The following DOCK8 variants were observed in gnomAD, a reference collection of about 807,000 sequenced individuals.
DOCK8 encodes dedicator of cytokinesis 8, also known as dedicator of cytokinesis protein 8.
Under a neutral mutation model 245.6 loss-of-function variants are expected in DOCK8, and 141 were observed. That is an observed-to-expected ratio of 0.57 (90% CI 0.50 to 0.66). The LOEUF (loss-of-function observed/expected upper bound fraction) is 0.66. DOCK8 is among the 30% of genes least tolerant of loss of function. DOCK8 has a pLI of 0.00. For missense variants in DOCK8, 2,965 were observed against 2,603.4 expected, an observed-to-expected ratio of 1.14 and a Z score of -3.02; for synonymous variants, 1,168 against 970.2, an observed-to-expected ratio of 1.20 and a Z score of -3.79.
intron 6 of DOCK8, 139 bp from the exon 7 acceptor site, chr9:316,903 TA>T: frequency 1.4e-6 from 1 of 707,540 alleles, no homozygotes; most frequent in Non-Finnish European, 2.6e-6. Flanking sequence ...AACTTTCTTA[TA>T]AAAGGCAGAG....
At position 372,191 on chromosome 9, in the gene DOCK8, C is replaced by A; in HGVS notation, c.2014C>A (p.Pro672Thr). Residue 672 changes from proline to threonine, a missense_variant, in exon 18 of 48, where the codon CCA becomes ACA. This residue lies in a region of DOCK8 where 2,825 missense variants were observed against 2,453.5 expected (regional missense o/e 1.15). Coordinates refer to ENST00000432829, the MANE Select transcript of DOCK8 (RefSeq NM_203447.4). ...VETLLGYSWL[P>T]ILLNERLQTG... ...TTTACATCATCTGTTTCAGTGGCTG[C>A]CAATTCTCTTAAATGAACGTCTTCA... is the stretch of plus-strand genomic sequence containing the variant. The A allele has an allele frequency of 6.2e-7, 1 of 1,613,780 alleles. No individual in the cohort carries two copies. The highest frequency in any genetic ancestry group is 8.5e-7 in the Non-Finnish European group (1 of 1,179,902).
chr9:411,566 A>C (rs973970143), intron 28 of DOCK8, among the ~76,000 whole-genome samples: 1 of 152,126 alleles, frequency 6.6e-6, no homozygotes, highest in Non-Finnish European at 1.5e-5. Context: ...CTTCCAACGA[A>C]TGGAAGAGGT....
intron 4 of DOCK8, among the ~76,000 whole-genome samples, chr9:301,231 A>C (rs1366388259): frequency 6.6e-6 from 1 of 152,232 alleles, no homozygotes; most frequent in Non-Finnish European, 1.5e-5. Flanking sequence ...ACAGAATTAA[A>C]AACAAAAACC....
intron 28 of DOCK8, among the ~76,000 whole-genome samples, chr9:412,043 AC>A (rs2055754700): frequency 6.6e-6 from 1 of 152,172 alleles, no homozygotes; most frequent in Non-Finnish European, 1.5e-5. Flanking sequence ...AAAAATGTCT[AC>A]CCTTGCCACT....
intron 4 of DOCK8, among the ~76,000 whole-genome samples, chr9:293,146 A>T (rs1467429125): frequency 6.6e-6 from 1 of 152,182 alleles, no homozygotes; most frequent in African/African-American, 2.4e-5. Flanking sequence ...GAAGTGTACA[A>T]CTTCAGAACT....
intron 24 of DOCK8, among the ~76,000 whole-genome samples, chr9:396,149 C>A (rs767680118): frequency 3.3e-5 from 5 of 151,982 alleles, no homozygotes; most frequent in Admixed American, 6.6e-5. Context: ...GTAATGTTTT[C>A]CCTGGAGGCA....
At chr9:263,289 G>A (rs1229833461) in intron 1 of DOCK8, among the ~76,000 whole-genome samples, 1 of 149,704 alleles carries the variant, frequency 6.7e-6, no homozygotes, top group African/African-American at 2.5e-5. Context: ...TTGCCCACTT[G>A]TTTCTTGTTG....
chr9:411,529 T>A (rs1276523347), intron 28 of DOCK8, among the ~76,000 whole-genome samples: 2 of 152,180 alleles, frequency 1.3e-5, no homozygotes, highest in African/African-American at 4.8e-5. Flanking sequence ...GAATTAATTC[T>A]AATTTTTTAC....
At chr9:299,516 G>A (rs1262960949) in intron 4 of DOCK8, among the ~76,000 whole-genome samples, 1 of 152,048 alleles carries the variant, frequency 6.6e-6, no homozygotes, top group African/African-American at 2.4e-5. Context: ...TCCCGCCTTG[G>A]CCTCCCAGAG....
chr9:334,527 A>C, intron 11 of DOCK8, 143 bp downstream of exon 11: 1 of 859,520 alleles, frequency 1.2e-6, no homozygotes, highest in Non-Finnish European at 1.8e-6. Context: ...AAACACTGTT[A>C]TGACTGGATT....
At chr9:361,943 C>G (rs1210873203) in intron 14 of DOCK8, among the ~76,000 whole-genome samples, 2 of 152,172 alleles carry the variant, frequency 1.3e-5, no homozygotes, top group Non-Finnish European at 2.9e-5. Context: ...ACATTATACA[C>G]TGAGTATTGG....
Position 332,478 on chromosome 9 carries a change from G to A in DOCK8, c.1125G>A (p.Lys375=). ...TTATCAAAGAAAGTGATGGTGGAAA[G>A]GTATGGTAATTTGAGTGTTGTTAAA... The part of the protein sequence containing the change: ...YTVIKESDGG[K]SKEKIEKLKL... Residue 375 remains lysine, a splice_region_variant and synonymous_variant, in exon 10 of 48, where the codon AAG becomes AAA. Coordinates refer to ENST00000432829, the MANE Select transcript of DOCK8 (RefSeq NM_203447.4). 6.2e-7 allele frequency: 1 copy of A among 1,608,098 alleles called. No individual in the cohort carries two copies. Among genetic ancestry groups the A allele is most frequent in the Non-Finnish European group, 8.5e-7 (1 of 1,174,610 alleles).
intron 46 of DOCK8, among the ~76,000 whole-genome samples, chr9:453,353 G>T (rs1457904564): frequency 7.6e-6 from 1 of 132,148 alleles, no homozygotes; most frequent in Non-Finnish European, 1.7e-5. Flanking sequence ...AGAAAAACTA[G>T]TTGTTGTTGT....
chr9:233,479 C>G (rs964159354), intron 1 of DOCK8, among the ~76,000 whole-genome samples: 23 of 152,162 alleles, frequency 1.5e-4, no homozygotes, highest in Admixed American at 1.0e-3. Context: ...ACTGATCTGT[C>G]TAATGTTGAC....
intron 46 of DOCK8, 24 bp from the exon 47 acceptor site, chr9:463,493 C>T (rs2057870232): frequency 6.2e-7 from 1 of 1,613,818 alleles, no homozygotes; most frequent in Non-Finnish European, 8.5e-7. Flanking sequence ...ATTTATTTCT[C>T]CCACACTGAT....
At chr9:335,722 C>G (rs80352248) in intron 11 of DOCK8, among the ~76,000 whole-genome samples, 137 of 152,124 alleles carry the variant, frequency 9.0e-4, no homozygotes, top group African/African-American at 2.9e-3. Flanking sequence ...TCAAGGATAA[C>G]CTGACAACAG....
intron 4 of DOCK8, among the ~76,000 whole-genome samples, chr9:292,242 T>C (rs1238759372): frequency 2.0e-5 from 3 of 150,346 alleles, no homozygotes; most frequent in Non-Finnish European, 4.4e-5. Flanking sequence ...TGGTGGTGCA[T>C]GTCTGTAATC....
At chr9:400,007 CCACCAT>C (rs2054686404) in intron 26 of DOCK8, among the ~76,000 whole-genome samples, 2 of 98,848 alleles carry the variant, frequency 2.0e-5, no homozygotes, top group African/African-American at 3.5e-5. Flanking sequence ...TCCACCACCT[CCACCAT>C]CACCACCACC....
Position 286,554 on chromosome 9 carries a change from G to C in DOCK8, c.250G>C (p.Gly84Arg), listed in dbSNP as rs1318020471. ...SLDVQLAQEL[G>R]DFTDDDLDVV... ...GGATGTGCAGCTTGCCCAGGAGCTCGGGGACTTCACTGATGACGACTTGGA... is the reference window on the plus strand; with the variant it reads ...GGATGTGCAGCTTGCCCAGGAGCTCCGGGACTTCACTGATGACGACTTGGA... Residue 84 changes from glycine to arginine, a missense_variant, in exon 3 of 48, where the codon GGG (glycine) becomes CGG (arginine). Physicochemically the swap from Gly to Arg is moderately radical, Grantham distance 125. Coordinates refer to ENST00000432829, the MANE Select transcript of DOCK8 (RefSeq NM_203447.4). 1.9e-6 allele frequency: 3 copies of C among 1,613,928 alleles called. No individual in the cohort carries two copies. The South Asian group carries it at 3.3e-5, about 18-fold the overall frequency.
Sources: allele counts gnomAD v4.1 joint callset (sites outside exome capture counted in the v4.1 genomes callset), GRCh38; gene constraint gnomAD v4.1.1; regional missense constraint gnomAD v4.1.1; transcripts MANE v1.5; gene names NCBI Gene and HGNC (gene_info 2026-07-23, HGNC 2026-07-21).